The following HIVEP1 variants were observed in gnomAD, a reference collection of about 807,000 sequenced individuals.
HIVEP1 encodes the protein zinc finger protein 40.
A neutral mutation model predicts 180.0 loss-of-function variants in HIVEP1; 36 were observed. That is an observed-to-expected ratio of 0.20 (90% CI 0.15 to 0.26). HIVEP1 has a LOEUF of 0.26. Ranked by LOEUF, HIVEP1 falls within the 10% of genes least tolerant of loss-of-function variation. HIVEP1 has a pLI of 1.00. For missense variants in HIVEP1, 3,143 were observed against 3,268.7 expected (o/e 0.96, Z 0.94); for synonymous variants, 1,239 against 1,239.0 (o/e 1.00, Z 0.00).
At chr6:12,208,266 GTGA>G in the HIVEP1 span, among the ~76,000 whole-genome samples, 1 of 152,130 alleles carries the variant, frequency 6.6e-6, no homozygotes, top group East Asian at 1.9e-4. Flanking sequence ...GAAAAGATTG[GTGA>G]TGACTTTGTT....
intron 2 of HIVEP1, among the ~76,000 whole-genome samples, chr6:12,051,016 A>ATATATATATATATATGTATATATG (rs1554135666): frequency 8.1e-5 from 11 of 135,842 alleles, no homozygotes; most frequent in Non-Finnish European, 1.6e-4. Flanking sequence ...ATATATATAT[A>ATATATATATATATATGTATATATG]TATATATATA....
intron 7 of HIVEP1, among the ~76,000 whole-genome samples, chr6:12,154,452 A>G (rs1245490141): frequency 6.6e-6 from 1 of 152,240 alleles, no homozygotes; most frequent in Non-Finnish European, 1.5e-5. Flanking sequence ...ATGCAGCTGC[A>G]GTCAGAGCCG....
chr6:12,059,515 T>C (rs1771095627), intron 2 of HIVEP1, among the ~76,000 whole-genome samples: 1 of 152,224 alleles, frequency 6.6e-6, no homozygotes, highest in Non-Finnish European at 1.5e-5. Flanking sequence ...AGATAAAGGC[T>C]TAGATTCCTT....
intron 2 of HIVEP1, among the ~76,000 whole-genome samples, chr6:12,050,700 G>T (rs971357284): frequency 6.6e-6 from 1 of 152,046 alleles, no homozygotes; most frequent in Non-Finnish European, 1.5e-5. Flanking sequence ...TCGCAGTCGG[G>T]CCCTGTCAGG....
chr6:12,149,079 T>C (rs1759536960), intron 7 of HIVEP1, among the ~76,000 whole-genome samples: 1 of 152,212 alleles, frequency 6.6e-6, no homozygotes, highest in Non-Finnish European at 1.5e-5. Context: ...GTACACTTCC[T>C]GTTTCCTAAC....
intron 2 of HIVEP1, among the ~76,000 whole-genome samples, chr6:12,086,087 T>G (rs1773098182): frequency 6.6e-6 from 1 of 152,142 alleles, no homozygotes; most frequent in Non-Finnish European, 1.5e-5. Context: ...GTATACATTT[T>G]TAATAGTATA....
Position 12,161,705 on chromosome 6 carries a change from G to T in HIVEP1, c.6754G>T (p.Ala2252Ser). The T allele has an allele frequency of 6.2e-7, 1 of 1,614,046 alleles. No individual in the cohort carries two copies. The highest frequency in any genetic ancestry group is 2.2e-5 in the East Asian group (1 of 44,882). The change falls in exon 8 of 9, where the codon GCG (alanine) becomes TCG (serine). Residue 2252 changes from alanine to serine, a missense_variant. Coordinates refer to ENST00000379388, the MANE Select transcript of HIVEP1 (RefSeq NM_002114.4). The part of the protein sequence containing the change: ...HTDPMDVLPR[A>S]LLTRMTVLST... ...GGACCCAATGGACGTTCTGCCCAGG[G>T]CGCTGCTCACCAGAATGACTGTCCT...
the HIVEP1 span, among the ~76,000 whole-genome samples, chr6:12,205,905 T>C: frequency 1.3e-5 from 2 of 152,154 alleles, no homozygotes; most frequent in African/African-American, 2.4e-5. Context: ...CTCTTTCCTC[T>C]GCAATCTCAG....
downstream of HIVEP1, among the ~76,000 whole-genome samples, chr6:12,167,591 C>A (rs1760738729): frequency 9.5e-6 from 1 of 105,058 alleles, no homozygotes. Context: ...CGTTATATTA[C>A]ATGTATATAT....
chr6:12,148,552 G>C (rs1212040702), intron 7 of HIVEP1, among the ~76,000 whole-genome samples: 4 of 152,196 alleles, frequency 2.6e-5, no homozygotes, highest in Non-Finnish European at 5.9e-5. Context: ...ACAACCTTTT[G>C]TGGTATCATG....
chr6:12,197,515 T>C, the HIVEP1 span, among the ~76,000 whole-genome samples: 46 of 139,446 alleles, frequency 3.3e-4, 1 homozygote, highest in African/African-American at 1.2e-3. Context: ...GTCGAGCCAC[T>C]GCACTCCAGC....
the HIVEP1 span, among the ~76,000 whole-genome samples, chr6:12,179,845 A>G: frequency 3.3e-5 from 5 of 152,238 alleles, no homozygotes; most frequent in East Asian, 9.6e-4. Context: ...TTTATTTATT[A>G]TTTATACTTA....
downstream of HIVEP1, among the ~76,000 whole-genome samples, chr6:12,167,619 T>TC (rs1243954134): frequency 3.1e-5 from 3 of 95,786 alleles, no homozygotes; most frequent in African/African-American, 1.3e-4. Flanking sequence ...ATATTACATG[T>TC]ATATATACAT....
intron 2 of HIVEP1, among the ~76,000 whole-genome samples, chr6:12,088,889 C>A (rs1371722842): frequency 6.6e-6 from 1 of 151,994 alleles, no homozygotes; most frequent in African/African-American, 2.4e-5. Flanking sequence ...TTTTTAGATA[C>A]TTTGATTAGA....
At chr6:12,173,369 C>T in the HIVEP1 span, among the ~76,000 whole-genome samples, 1 of 152,006 alleles carries the variant, frequency 6.6e-6, no homozygotes, top group Non-Finnish European at 1.5e-5. Context: ...CATATTTCTC[C>T]TAGGAAGGGG....
chr6:12,142,911 A>T (rs1195975682), intron 7 of HIVEP1, among the ~76,000 whole-genome samples: 1 of 152,176 alleles, frequency 6.6e-6, no homozygotes, highest in Admixed American at 6.5e-5. Flanking sequence ...CAACCAAAAA[A>T]AGTCCAGGAC....
At chr6:12,139,897 C>T (rs1337498538) in intron 7 of HIVEP1, among the ~76,000 whole-genome samples, 1 of 152,264 alleles carries the variant, frequency 6.6e-6, no homozygotes, top group Non-Finnish European at 1.5e-5. Context: ...TAGTCTCCAC[C>T]TCTGGGGGCA....
chr6:12,187,131 T>C, the HIVEP1 span, among the ~76,000 whole-genome samples: 4 of 152,146 alleles, frequency 2.6e-5, no homozygotes, highest in Admixed American at 1.3e-4. Flanking sequence ...GGTTGAAATA[T>C]TATCAAGTGG....
rs115048478 is a variant in HIVEP1 at position 12,151,390 on chromosome 6, A to G, written c.6488-10049A>G. On this transcript the variant is annotated intron_variant, in intron 7 of 8. Coordinates refer to ENST00000379388, the MANE Select transcript of HIVEP1 (RefSeq NM_002114.4). ...GAGTCTCTGATGGCTGCAAAGGGGT[A>G]AGCCACAGTGCTTACCCTCCTGAAG... 2.8e-3 allele frequency among the ~76,000 whole-genome samples: 423 copies of G among 152,302 alleles called. 5 individuals are homozygous for G. Among genetic ancestry groups the G allele is most frequent in the African/African-American group, 9.6e-3 (397 of 41,562 alleles).
Sources: gnomAD v4.1 joint callset for allele counts (sites outside exome capture counted in the v4.1 genomes callset) on GRCh38, gnomAD v4.1.1 for gene constraint, MANE v1.5 for transcripts, NCBI Gene and HGNC (gene_info 2026-07-23, HGNC 2026-07-21) for gene names.